Variants in FSBP observed in about 807,000 individuals in gnomAD.
FSBP encodes the protein fibrinogen silencer-binding protein.
A neutral mutation model predicts 24.6 loss-of-function variants in FSBP; 18 were observed. That is an observed-to-expected ratio of 0.73 (90% CI 0.51 to 1.08). FSBP has a LOEUF of 1.08. FSBP is among the 50% of genes least tolerant of loss of function. The pLI, the probability that FSBP is intolerant of heterozygous loss-of-function variation, is 0.00. For missense variants in FSBP, 305 were observed against 347.6 expected (o/e 0.88, Z 0.98); for synonymous variants, 110 against 125.8 (o/e 0.87, Z 0.84).
rs375502720 is a variant in FSBP at position 94,430,443 on chromosome 8, C to T, written c.*1688G>A. The T allele has an allele frequency of 6.2e-5, 61 of 985,022 alleles. 2 individuals carry two copies. The South Asian group carries it at 2.3e-3, about 36-fold the overall frequency. The allele number at this position is 985,022 out of a possible 1,614,324, so 61.0% of individuals were successfully genotyped here. ...AGACTAGTATGATTTAGGCACCAAG[C>T]GAGGTTCCAAAATACTCTGTTTCAC... On this transcript the variant is annotated 3_prime_UTR_variant, in exon 2 of 2. Coordinates refer to ENST00000481490, the MANE Select transcript of FSBP (RefSeq NM_001256141.2).
rs1233136799 is a variant in FSBP, at chr8:94,428,808, T to C, written c.*3323A>G. The C allele has an allele frequency of 1.6e-5, 16 of 985,178 alleles. No individual in the cohort carries two copies. The highest frequency in any genetic ancestry group is 1.9e-5 in the Non-Finnish European group (16 of 829,838). The allele number at this position is 985,178 out of a possible 1,614,324, so 61.0% of individuals were successfully genotyped here. The stretch of plus-strand genomic sequence containing the variant: ...ACTTGTCCTCAACAAAAACTGCTAA[T>C]GTTAGTTGGTAAGTAGTCCCCTAAC... On this transcript the variant is annotated 3_prime_UTR_variant, in exon 2 of 2. Coordinates refer to ENST00000481490, the MANE Select transcript of FSBP (RefSeq NM_001256141.2).
Position 94,429,409 on chromosome 8 carries a change from T to C in FSBP, c.*2722A>G. The C allele has an allele frequency of 1.1e-6, 1 of 878,456 alleles. No individual in the cohort carries two copies. Among genetic ancestry groups the C allele is most frequent in the Non-Finnish European group, 1.4e-6 (1 of 732,852 alleles). The allele number at this position is 878,456 out of a possible 1,614,324, so 54.4% of individuals were successfully genotyped here. On this transcript the variant is annotated 3_prime_UTR_variant, in exon 2 of 2. Transcript: ENST00000481490. ...ATACTGCACTTTTTTTTAACACAGA[T>C]CTCTTTTCTAGAAACATCTCACAGA...
Position 94,432,421 on chromosome 8 carries a change from T to C in FSBP, c.610A>G (p.Thr204Ala), listed in dbSNP as rs1563655104. 6.4e-7 allele frequency: 1 copy of C among 1,550,454 alleles called. No homozygotes were observed. The highest frequency in any genetic ancestry group is 8.7e-7 in the Non-Finnish European group (1 of 1,146,886). ...PSLSSVDMRM[T>A]SSPSSIPRRD... is the part of the protein sequence containing the mutation. ...CTTGGAATAGAAGATGGAGACGATG[T>C]CATTCTCATATCAACAGAGGAAAGT... is the stretch of plus-strand genomic sequence containing the variant. Residue 204 changes from threonine (T) to alanine (A), a missense_variant, in exon 2 of 2, where the codon ACA (threonine) becomes GCA (alanine). Physicochemically the swap from Thr to Ala is moderately conservative, Grantham distance 58. Transcript: ENST00000481490.
chr8:94,429,497 T>C lies in FSBP; in HGVS notation c.*2634A>G, dbSNP rs1473230404. 1.0e-6 allele frequency: 1 copy of C among 984,100 alleles called. No homozygotes were observed. 61.0% of individuals were successfully genotyped at this position (984,100 alleles called of 1,614,324 possible). A position where few individuals can be genotyped will look rare whatever the true frequency, so the allele number is the denominator to read the frequency against. On this transcript the variant is annotated 3_prime_UTR_variant, in exon 2 of 2. Transcript: ENST00000481490. ...TTTGCTGTAAAAGCCAACATTTAAA[T>C]TGAACATTCATTATCAATTCTTAGT...
chr8:94,429,385 T>C lies in FSBP; in HGVS notation c.*2746A>G, dbSNP rs565763392. 147 of 733,836 alleles carry C rather than the reference T, an allele frequency of 2.0e-4. No homozygotes were observed. The highest frequency in any genetic ancestry group is 1.8e-3 in the African/African-American group (95 of 52,042). The allele number at this position is 733,836 out of a possible 1,614,324, so 45.5% of individuals were successfully genotyped here. A position where few individuals can be genotyped will look rare whatever the true frequency, so the allele number is the denominator to read the frequency against. On this transcript the variant is annotated 3_prime_UTR_variant, in exon 2 of 2. Coordinates refer to ENST00000481490, the MANE Select transcript of FSBP (RefSeq NM_001256141.2). ...AACCACCAAAAATAAAAAAGATGTA[T>C]ACTGCACTTTTTTTTAACACAGATC...
intron 1 of FSBP, 50 bp from the exon 2 acceptor site, chr8:94,432,706 G>A (rs1812140590): frequency 1.4e-6 from 2 of 1,402,468 alleles, no homozygotes; most frequent in Non-Finnish European, 9.3e-7. Flanking sequence ...TGAAGAAAAA[G>A]TGTATATTTA....
rs1324783615 is a variant in FSBP, at chr8:94,430,308, C to T, written c.*1823G>A. ...CCTAGGTGACAAAGCAAGACTCCAT[C>T]TCAAAAAAAAAAAAAAAAAGTATTT... On this transcript the variant is annotated 3_prime_UTR_variant, in exon 2 of 2. Transcript: ENST00000481490. The T allele has an allele frequency of 1.2e-6, 1 of 844,358 alleles. No homozygotes were observed. Among genetic ancestry groups the T allele is most frequent in the African/African-American group, 2.3e-5 (1 of 44,032 alleles). 52.3% of individuals were successfully genotyped at this position (844,358 alleles called of 1,614,324 possible).
rs751871421 is a variant in FSBP at position 94,431,594 on chromosome 8, C to T, written c.*537G>A. On this transcript the variant is annotated 3_prime_UTR_variant, in exon 2 of 2. Coordinates refer to ENST00000481490, the MANE Select transcript of FSBP (RefSeq NM_001256141.2). ...AGTAAGTCATTGAGTTCTCCCTGGA[C>T]CTGTTTCATTACCCCTAAACTGCAG... 5.4e-5 allele frequency: 49 copies of T among 915,806 alleles called. No individual in the cohort carries two copies. Among genetic ancestry groups the T allele is most frequent in the Admixed American group, 1.2e-4 (2 of 16,150 alleles). The allele number at this position is 915,806 out of a possible 1,614,324, so 56.7% of individuals were successfully genotyped here.
At chr8:94,434,696 A>T (rs1812208291) in intron 1 of FSBP, among the ~76,000 whole-genome samples, 2 of 151,698 alleles carry the variant, frequency 1.3e-5, no homozygotes, top group Admixed American at 6.6e-5. Flanking sequence ...TAAGCACATT[A>T]AATATATATA....
chr8:94,428,689 AG>A lies in FSBP; in HGVS notation c.*3441del. On this transcript the variant is annotated 3_prime_UTR_variant, in exon 2 of 2. Coordinates refer to ENST00000481490, the MANE Select transcript of FSBP (RefSeq NM_001256141.2). ...TGCCTGAATATTTTCAATCCACAGT[AG>A]TTCAATCTGCAGATGTGAAACCTGC... 1 of 857,692 alleles carries A rather than the reference AG, an allele frequency of 1.2e-6. No individual in the cohort carries two copies. The highest frequency in any genetic ancestry group is 1.4e-6 in the Non-Finnish European group (1 of 713,448). The allele number at this position is 857,692 out of a possible 1,614,324, so 53.1% of individuals were successfully genotyped here. A position where few individuals can be genotyped will look rare whatever the true frequency, so the allele number is the denominator to read the frequency against.
rs554929401 is a variant in FSBP at position 94,428,587 on chromosome 8, G to T, written c.*3544C>A. On this transcript the variant is annotated 3_prime_UTR_variant, in exon 2 of 2. Coordinates refer to ENST00000481490, the MANE Select transcript of FSBP (RefSeq NM_001256141.2). ...AAGTGAGCCCCAAAACTGGGGATTAGCCCAACTCCTACCTCAGTTATACCG... is the reference window on the plus strand; with the variant it reads ...AAGTGAGCCCCAAAACTGGGGATTATCCCAACTCCTACCTCAGTTATACCG... 1.2e-5 allele frequency: 5 copies of T among 406,768 alleles called. No individual in the cohort carries two copies. The highest frequency in any genetic ancestry group is 1.7e-5 in the Non-Finnish European group (5 of 301,418). 25.2% of individuals were successfully genotyped at this position (406,768 alleles called of 1,614,324 possible).
intron 1 of FSBP, among the ~76,000 whole-genome samples, chr8:94,435,744 A>G (rs1026527159): frequency 7.2e-5 from 11 of 151,890 alleles, no homozygotes; most frequent in African/African-American, 2.4e-4. Flanking sequence ...GTATTTTAAA[A>G]TTCATAATTT....
chr8:94,433,276 C>T (rs1349225010), intron 1 of FSBP, among the ~76,000 whole-genome samples: 1 of 151,956 alleles, frequency 6.6e-6, no homozygotes, highest in Non-Finnish European at 1.5e-5. Flanking sequence ...GAAAAACTTC[C>T]GTTTTACCTA....
chr8:94,430,251 C>G lies in FSBP; in HGVS notation c.*1880G>C, dbSNP rs528322044. The stretch of plus-strand genomic sequence containing the variant: ...GCTTGAACCCAGGAAACGGAGATTG[C>G]AGTGAGCCAACATCGCACCACTGCA... On this transcript the variant is annotated 3_prime_UTR_variant, in exon 2 of 2. Coordinates refer to ENST00000481490, the MANE Select transcript of FSBP (RefSeq NM_001256141.2). 4.7e-4 allele frequency: 375 copies of G among 806,050 alleles called. No individual in the cohort carries two copies. The highest frequency in any genetic ancestry group is 5.4e-4 in the Non-Finnish European group (364 of 668,998). The allele number at this position is 806,050 out of a possible 1,614,324, so 49.9% of individuals were successfully genotyped here. A position where few individuals can be genotyped will look rare whatever the true frequency, so the allele number is the denominator to read the frequency against.
At position 94,430,912 on chromosome 8, in the gene FSBP, C is replaced by A; in HGVS notation, c.*1219G>T. On this transcript the variant is annotated 3_prime_UTR_variant, in exon 2 of 2. Transcript: ENST00000481490. ...CTCTACATTCACTTAAAATCAATGGCTTAGCACTGCATTTGTGCTTATATA... is the reference window on the plus strand; with the variant it reads ...CTCTACATTCACTTAAAATCAATGGATTAGCACTGCATTTGTGCTTATATA... 1 of 985,366 alleles carries A rather than the reference C, an allele frequency of 1.0e-6. No homozygotes were observed. Among genetic ancestry groups the A allele is most frequent in the Non-Finnish European group, 1.2e-6 (1 of 829,902 alleles). The allele number at this position is 985,366 out of a possible 1,614,324, so 61.0% of individuals were successfully genotyped here. A position where few individuals can be genotyped will look rare whatever the true frequency, so the allele number is the denominator to read the frequency against.
In FSBP at chr8:94,430,461, T is replaced by G. The variant is rs1253523045; in HGVS notation, c.*1670A>C. 1 of 984,274 alleles carries G rather than the reference T, an allele frequency of 1.0e-6. No individual in the cohort carries two copies. Among genetic ancestry groups the G allele is most frequent in the Non-Finnish European group, 1.2e-6 (1 of 828,966 alleles). The allele number at this position is 984,274 out of a possible 1,614,324, so 61.0% of individuals were successfully genotyped here. The stretch of plus-strand genomic sequence containing the variant: ...CACCAAGCGAGGTTCCAAAATACTC[T>G]GTTTCACTGGTTCTCAAACTTTAGC... On this transcript the variant is annotated 3_prime_UTR_variant, in exon 2 of 2. Coordinates refer to ENST00000481490, the MANE Select transcript of FSBP (RefSeq NM_001256141.2).
In FSBP at chr8:94,429,928, C is replaced by T. The variant is rs2130096281; in HGVS notation, c.*2203G>A. On this transcript the variant is annotated 3_prime_UTR_variant, in exon 2 of 2. Coordinates refer to ENST00000481490, the MANE Select transcript of FSBP (RefSeq NM_001256141.2). ...CCAATACAATGCCTGTCCCTAAATG[C>T]CACTCCTCCTAAATCACAACTATAA... 1.0e-6 allele frequency: 1 copy of T among 985,262 alleles called. No individual in the cohort carries two copies. The highest frequency in any genetic ancestry group is 4.7e-5 in the South Asian group (1 of 21,280). The allele number at this position is 985,262 out of a possible 1,614,324, so 61.0% of individuals were successfully genotyped here. A position where few individuals can be genotyped will look rare whatever the true frequency, so the allele number is the denominator to read the frequency against.
chr8:94,427,933 A>G lies in FSBP; in HGVS notation c.*4198T>C, dbSNP rs954005272. 2.6e-6 allele frequency: 2 copies of G among 777,978 alleles called. No homozygotes were observed. The highest frequency in any genetic ancestry group is 6.5e-5 in the South Asian group (1 of 15,460). The allele number at this position is 777,978 out of a possible 1,614,324, so 48.2% of individuals were successfully genotyped here. Reference sequence around the variant, plus strand: ...TAGAACAGGGTAGAATGACTCCTTAAAAAAAAAAATGAAATAACACCAAGT... The same window carrying G: ...TAGAACAGGGTAGAATGACTCCTTAGAAAAAAAAATGAAATAACACCAAGT... On this transcript the variant is annotated 3_prime_UTR_variant, in exon 2 of 2. Coordinates refer to ENST00000481490, the MANE Select transcript of FSBP (RefSeq NM_001256141.2).
Position 94,432,255 on chromosome 8 carries a change from T to C in FSBP, c.776A>G (p.Glu259Gly). 1 of 1,550,400 alleles carries C rather than the reference T, an allele frequency of 6.4e-7. No homozygotes were observed. The highest frequency in any genetic ancestry group is 8.7e-7 in the Non-Finnish European group (1 of 1,146,898). Reference protein sequence around the residue: ...NQKNFGLYVQEKRDGLKRRQQ... With the variant: ...NQKNFGLYVQGKRDGLKRRQQ... The stretch of plus-strand genomic sequence containing the variant: ...CCTTCTTTTCAATCCATCCCTCTTC[T>C]CCTGAACATACAATCCAAAATTTTT... The change falls in exon 2 of 2, where the codon GAG (glutamate) becomes GGG (glycine). Residue 259 changes from glutamate (E) to glycine (G), a missense_variant. Physicochemically the swap from Glu to Gly is moderately conservative, Grantham distance 98 (BLOSUM62 -2). Coordinates refer to ENST00000481490, the MANE Select transcript of FSBP (RefSeq NM_001256141.2).
Sources: gnomAD v4.1 joint callset for allele counts (sites outside exome capture counted in the v4.1 genomes callset) on GRCh38, gnomAD v4.1.1 for gene constraint, MANE v1.5 for transcripts, NCBI Gene and HGNC (gene_info 2026-07-23, HGNC 2026-07-21) for gene names.